The following ETF1 variants were observed in gnomAD, a reference collection of about 807,000 sequenced individuals.
ETF1 encodes the protein eukaryotic translation termination factor 1, also known as eukaryotic peptide chain release factor subunit 1.
In ETF1, 4 loss-of-function variants were observed where a neutral mutation model predicts 55.1. The observed-to-expected ratio is 0.07, with a 90% CI of 0.04 to 0.17. ETF1 has a LOEUF of 0.17. Among genes scored for constraint, ETF1 ranks in the 10% least tolerant of loss-of-function variants. The probability of loss-of-function intolerance (pLI) is 1.00; values close to 1 mark genes in which losing one functional copy is unlikely to be tolerated. For synonymous variants in ETF1, 157 were observed against 182.3 expected, an observed-to-expected ratio of 0.86 and a Z score of 1.12; for missense variants, 142 against 523.6, an observed-to-expected ratio of 0.27 and a Z score of 7.11.
chr5:138,541,460 C>T, intron 2 of ETF1: 1 of 1,248,808 alleles, frequency 8.0e-7, no homozygotes, highest in Non-Finnish European at 1.1e-6. Flanking sequence ...CTTTTAGAAG[C>T]CTCATTCCAA....
intron 3 of ETF1, 176 bp from the exon 4 acceptor site, chr5:138,517,876 TTC>T (rs1561833923): frequency 2.0e-6 from 2 of 985,284 alleles, no homozygotes; most frequent in Non-Finnish European, 2.4e-6. Flanking sequence ...TTAAAACTTC[TTC>T]TGAGACGTTT....
intron 2 of ETF1, among the ~76,000 whole-genome samples, chr5:138,522,105 G>T (rs1038656902): frequency 2.1e-4 from 24 of 116,320 alleles, no homozygotes; most frequent in Non-Finnish European, 3.9e-4. Context: ...CTTGTTTTTT[G>T]TTTTTTTGGT....
At chr5:138,513,854 T>C in intron 4 of ETF1, 148 bp from the exon 5 acceptor site, 1 of 1,101,108 alleles carries the variant, frequency 9.1e-7, no homozygotes. Flanking sequence ...ATTTATAGAC[T>C]TCAGTTATAA....
rs70982719 is a variant in ETF1, at chr5:138,534,965, C to CT, written c.86+7867dup. ...TTACTCATCCTCAGAAAACTAGTTT[C>CT]TTTTTTTTTTTTTTTTTTGAGACAG... is the stretch of plus-strand genomic sequence containing the variant. On this transcript the variant is annotated intron_variant, in intron 2 of 10. Transcript: ENST00000360541. Among the ~76,000 whole-genome samples the CT allele has an allele frequency of 2.8e-3, 352 of 126,326 alleles. 2 individuals are homozygous for CT. The highest frequency in any genetic ancestry group is 3.9e-3 in the Admixed American group (50 of 12,822). 82.9% of individuals were successfully genotyped at this position (126,326 alleles called of 152,430 possible).
chr5:138,537,673 C>T (rs930089210), intron 2 of ETF1, among the ~76,000 whole-genome samples: 4 of 151,710 alleles, frequency 2.6e-5, no homozygotes, highest in Non-Finnish European at 4.4e-5. Flanking sequence ...CTGCAAGCTC[C>T]GCCTCCCGGG....
chr5:138,543,221 A>G lies in ETF1; in HGVS notation c.-143T>C. 2.1e-6 allele frequency: 1 copy of G among 476,992 alleles called. No individual in the cohort carries two copies. Among genetic ancestry groups the G allele is most frequent in the Non-Finnish European group, 3.7e-6 (1 of 268,388 alleles). 29.5% of individuals were successfully genotyped at this position (476,992 alleles called of 1,614,324 possible). On this transcript the variant is annotated 5_prime_UTR_variant, in exon 1 of 11. An upstream open reading frame in the 5' UTR loses its in-frame stop. Coordinates refer to ENST00000360541, the MANE Select transcript of ETF1 (RefSeq NM_004730.4). ...CAGCTGCATGTGTTGCAATCCGCTCACATGGGGCCTGTGACATCACTTCCT... is the reference window on the plus strand; with the variant it reads ...CAGCTGCATGTGTTGCAATCCGCTCGCATGGGGCCTGTGACATCACTTCCT...
rs1479180481 is a variant in ETF1 at position 138,507,937 on chromosome 5, GT to G, written c.*367del. 5.5e-6 allele frequency: 1 copy of G among 182,196 alleles called. No individual in the cohort carries two copies. The highest frequency in any genetic ancestry group is 2.4e-5 in the African/African-American group (1 of 42,266). 11.3% of individuals were successfully genotyped at this position (182,196 alleles called of 1,614,324 possible). The stretch of plus-strand genomic sequence containing the variant: ...ATCTCACTTCTATTAACTTTTGAAG[GT>G]TTACAGCAGTTAAAGTATTTTTGCT... On this transcript the variant is annotated 3_prime_UTR_variant, in exon 11 of 11. Coordinates refer to ENST00000360541, the MANE Select transcript of ETF1 (RefSeq NM_004730.4).
At chr5:138,542,524 G>T (rs762549286) in intron 2 of ETF1, 3 of 896,894 alleles carry the variant, frequency 3.3e-6, no homozygotes, top group Non-Finnish European at 4.6e-6. Flanking sequence ...AGCACCTGGA[G>T]CCCGAAGAGG....
intron 2 of ETF1, among the ~76,000 whole-genome samples, chr5:138,527,459 C>T (rs972007834): frequency 2.0e-5 from 3 of 152,180 alleles, no homozygotes; most frequent in Admixed American, 6.5e-5. Context: ...ACTTGCTAGG[C>T]TTCTAAACTG....
At chr5:138,541,421 G>T in intron 2 of ETF1, 1 of 800,088 alleles carries the variant, frequency 1.2e-6, no homozygotes, top group African/African-American at 1.7e-5. Context: ...GAAGGAGTGA[G>T]CACAAGCCCG....
chr5:138,528,335 G>A (rs926595283), intron 2 of ETF1, among the ~76,000 whole-genome samples: 6 of 152,150 alleles, frequency 3.9e-5, no homozygotes, highest in African/African-American at 1.4e-4. Context: ...TGATGTGGAG[G>A]GCAAAGCAAT....
At chr5:138,519,434 C>T (rs1236375004) in intron 2 of ETF1, among the ~76,000 whole-genome samples, 3 of 151,538 alleles carry the variant, frequency 2.0e-5, no homozygotes, top group African/African-American at 2.4e-5. Flanking sequence ...GAGGCCGAGG[C>T]GGGCGGATCA....
chr5:138,514,750 C>T (rs1460504055), intron 4 of ETF1, among the ~76,000 whole-genome samples: 1 of 151,892 alleles, frequency 6.6e-6, no homozygotes, highest in African/African-American at 2.4e-5. Context: ...GCTAATGATT[C>T]TGAGTTTTAT....
intron 2 of ETF1, among the ~76,000 whole-genome samples, chr5:138,526,666 A>T (rs1407708708): frequency 6.6e-6 from 1 of 151,906 alleles, no homozygotes; most frequent in African/African-American, 2.4e-5. Flanking sequence ...CCTCTGGAGT[A>T]GCTGGGATTA....
In ETF1 at chr5:138,541,521, G is replaced by A. The variant is rs770508502; in HGVS notation, c.86+1312C>T. 12 of 1,531,732 alleles carry A rather than the reference G, an allele frequency of 7.8e-6. No homozygotes were observed. The Middle Eastern group carries it at 1.3e-3, about 171-fold the overall frequency. 94.9% of individuals were successfully genotyped at this position (1,531,732 alleles called of 1,614,324 possible). On this transcript the variant is annotated intron_variant, in intron 2 of 10. Transcript: ENST00000360541. ...AACAAAACACTAGTAAAACCAACCT[G>A]TGAATTGGGCCTTCAGTACAATTAA...
At chr5:138,517,743 A>C in intron 3 of ETF1, 43 bp from the exon 4 acceptor site, 1 of 1,378,112 alleles carries the variant, frequency 7.3e-7, no homozygotes, top group Non-Finnish European at 9.5e-7. Flanking sequence ...CCCCATATCT[A>C]GTTTTTCGTC....
At chr5:138,540,587 CAA>C (rs1766132491) in intron 2 of ETF1, among the ~76,000 whole-genome samples, 1 of 152,090 alleles carries the variant, frequency 6.6e-6, no homozygotes, top group African/African-American at 2.4e-5. Context: ...CAGAGATGGC[CAA>C]GATTTTAAAT....
intron 2 of ETF1, among the ~76,000 whole-genome samples, chr5:138,539,843 A>C (rs943854052): frequency 6.6e-6 from 1 of 152,208 alleles, no homozygotes; most frequent in African/African-American, 2.4e-5. Flanking sequence ...CCATTATAGC[A>C]CATTGGTTTA....
At chr5:138,541,530 G>A (rs2127140594) in intron 2 of ETF1, 1 of 1,533,036 alleles carries the variant, frequency 6.5e-7, no homozygotes, top group East Asian at 2.4e-5. Context: ...TGTGAATTGG[G>A]CCTTCAGTAC....
Sources: gnomAD v4.1 joint callset for allele counts (sites outside exome capture counted in the v4.1 genomes callset) on GRCh38, gnomAD v4.1.1 for gene constraint, MANE v1.5 for transcripts, NCBI Gene and HGNC (gene_info 2026-07-23, HGNC 2026-07-21) for gene names.